Variants in APOBEC1 observed in about 807,000 individuals in gnomAD.
The protein encoded by APOBEC1 is C->U-editing enzyme APOBEC-1.
Under a neutral mutation model 26.3 loss-of-function variants are expected in APOBEC1, and 22 were observed. The ratio of observed to expected loss-of-function variants is 0.84; its 90% CI spans 0.60 to 1.19. The LOEUF is 1.19. APOBEC1 is among the 50% of genes most tolerant of loss of function. APOBEC1 has a pLI of 0.00. For missense variants in APOBEC1, 253 were observed against 289.0 expected (o/e 0.88, Z 0.90); for synonymous variants, 77 against 95.3 (o/e 0.81, Z 1.12).
chr12:7,665,521 C>T (rs1426134885), intron 1 of APOBEC1, among the ~76,000 whole-genome samples: 1 of 151,962 alleles, frequency 6.6e-6, no homozygotes, highest in Non-Finnish European at 1.5e-5. Flanking sequence ...TGGTCTCAAA[C>T]CCTGGGCCTC....
chr12:7,652,465 C>A lies in APOBEC1; in HGVS notation c.415G>T (p.Val139Leu). The change falls in exon 3 of 5, where the codon GTA (valine) becomes TTA (leucine). Residue 139 changes from valine (V) to leucine (L), a missense_variant. Val to Leu is a conservative substitution (Grantham distance 32). Transcript: ENST00000229304. ...QGLRDLVNSG[V>L]TIQIMRASEY... is the part of the protein sequence containing the mutation. ...GATGCTCTCATAATCTGAATAGTTA[C>A]TCCACTGTTAACAAGGTCCCTGAGA... 1.2e-6 allele frequency: 2 copies of A among 1,613,678 alleles called. No individual in the cohort carries two copies.
chr12:7,665,805 A>ACACACC (rs1863885420), intron 1 of APOBEC1, 52 bp downstream of exon 1: 1 of 1,376,486 alleles, frequency 7.3e-7, no homozygotes, highest in South Asian at 1.2e-5. Context: ...ACACACACAC[A>ACACACC]CCATTCTTGC....
At chr12:7,656,963 C>T (rs1006981069) in intron 1 of APOBEC1, among the ~76,000 whole-genome samples, 2 of 151,978 alleles carry the variant, frequency 1.3e-5, no homozygotes, top group South Asian at 2.1e-4. Context: ...CTCTACTATT[C>T]GGTTTGCCAT....
chr12:7,660,375 G>GGAAAGAGAAAGAAAGAAA (rs1555094886), intron 1 of APOBEC1, among the ~76,000 whole-genome samples: 10 of 23,950 alleles, frequency 4.2e-4, no homozygotes, highest in African/African-American at 1.1e-3. Flanking sequence ...AAGGAAGGAA[G>GGAAAGAGAAAGAAAGAAA]GAAAGAAAGA....
intron 1 of APOBEC1, 105 bp downstream of exon 1, chr12:7,665,752 G>GAGACAC (rs1863883018): frequency 1.4e-6 from 1 of 711,800 alleles, no homozygotes; most frequent in Non-Finnish European, 2.1e-6. Context: ...GAATCAGCAG[G>GAGACAC]ACACACACAC....
intron 1 of APOBEC1, among the ~76,000 whole-genome samples, chr12:7,663,664 G>A (rs971542971): frequency 2.0e-5 from 3 of 152,008 alleles, no homozygotes; most frequent in Non-Finnish European, 2.9e-5. Flanking sequence ...AGAAAGGGAC[G>A]GTGAGACATA....
chr12:7,668,460 T>C (rs148058997), upstream of APOBEC1, among the ~76,000 whole-genome samples: 18 of 152,298 alleles, frequency 1.2e-4, no homozygotes, highest in African/African-American at 4.1e-4. Context: ...GGTGCAAAAC[T>C]TGGGTTTGTT....
At chr12:7,655,886 G>A (rs933982003) in intron 1 of APOBEC1, among the ~76,000 whole-genome samples, 2 of 152,194 alleles carry the variant, frequency 1.3e-5, no homozygotes, top group Admixed American at 6.5e-5. Flanking sequence ...TGGCTGAGGA[G>A]GGAGGATCAC....
upstream of APOBEC1, among the ~76,000 whole-genome samples, chr12:7,666,199 AT>A (rs1285814122): frequency 6.6e-6 from 1 of 152,178 alleles, no homozygotes; most frequent in Non-Finnish European, 1.5e-5. Flanking sequence ...TTAAATAAAG[AT>A]TAAGGCAAGG....
upstream of APOBEC1, among the ~76,000 whole-genome samples, chr12:7,669,239 A>G (rs1187850557): frequency 7.3e-6 from 1 of 136,344 alleles, no homozygotes; most frequent in Non-Finnish European, 1.6e-5. Flanking sequence ...AACTTTTTGT[A>G]TTTTTAGTAG....
upstream of APOBEC1, among the ~76,000 whole-genome samples, chr12:7,666,306 T>C (rs1477150673): frequency 1.3e-5 from 2 of 150,298 alleles, no homozygotes; most frequent in Non-Finnish European, 3.0e-5. Context: ...TTTTTTTTTT[T>C]CTTTGAGACG....
intron 1 of APOBEC1, among the ~76,000 whole-genome samples, chr12:7,659,323 A>ATG: frequency 2.6e-5 from 1 of 39,090 alleles, no homozygotes; most frequent in South Asian, 8.6e-4. Context: ...AAAAAAAAAA[A>ATG]TATATATATA....
chr12:7,667,500 A>G (rs1863908656), upstream of APOBEC1, among the ~76,000 whole-genome samples: 1 of 152,206 alleles, frequency 6.6e-6, no homozygotes, highest in Non-Finnish European at 1.5e-5. Context: ...GAGATAAAGC[A>G]GGTGTTTCGA....
intron 2 of APOBEC1, 131 bp downstream of exon 2, chr12:7,654,474 C>A: frequency 1.2e-6 from 1 of 861,912 alleles, no homozygotes; most frequent in South Asian, 1.5e-5. Flanking sequence ...TGGGCTCAAG[C>A]GATCCTCCTA....
intron 1 of APOBEC1, among the ~76,000 whole-genome samples, chr12:7,660,328 A>G (rs1195447986): frequency 3.9e-5 from 5 of 128,648 alleles, no homozygotes; most frequent in Admixed American, 8.3e-5. Flanking sequence ...GGAAGGAAGG[A>G]AGGAAGGGAA....
chr12:7,668,319 C>T (rs1179875239), upstream of APOBEC1, among the ~76,000 whole-genome samples: 3 of 152,160 alleles, frequency 2.0e-5, no homozygotes, highest in East Asian at 5.8e-4. Flanking sequence ...TTTTGTACTT[C>T]AGACCTCCAG....
chr12:7,658,893 C>T (rs868371930), intron 1 of APOBEC1, among the ~76,000 whole-genome samples: 1 of 145,570 alleles, frequency 6.9e-6, no homozygotes, highest in Admixed American at 7.0e-5. Context: ...GCAGAGGTTG[C>T]GGTGAGCCCA....
At chr12:7,662,070 C>T (rs1219967231) in intron 1 of APOBEC1, among the ~76,000 whole-genome samples, 1 of 138,486 alleles carries the variant, frequency 7.2e-6, no homozygotes, top group Non-Finnish European at 1.6e-5. Flanking sequence ...CACAGCAAGA[C>T]CCCGTCTCTA....
chr12:7,660,908 G>A (rs1372144150), intron 1 of APOBEC1, among the ~76,000 whole-genome samples: 1 of 147,498 alleles, frequency 6.8e-6, no homozygotes, highest in Non-Finnish European at 1.5e-5. Context: ...ATAAAGACAG[G>A]AACAGCCAGG....
Sources: gnomAD v4.1 joint callset for allele counts (sites outside exome capture counted in the v4.1 genomes callset) on GRCh38, gnomAD v4.1.1 for gene constraint, MANE v1.5 for transcripts, NCBI Gene and HGNC (gene_info 2026-07-23, HGNC 2026-07-21) for gene names.